B3GAT2: variants seen among roughly 807,000 people sequenced by gnomAD.
B3GAT2 encodes the protein beta-1,3-glucuronyltransferase 2, also known as galactosylgalactosylxylosylprotein 3-beta-glucuronosyltransferase 2.
In B3GAT2, 26 loss-of-function variants were observed where a neutral mutation model predicts 27.8. That is an observed-to-expected ratio of 0.93 (90% confidence interval 0.68 to 1.30). The LOEUF is 1.30. B3GAT2 is among the 50% of genes most tolerant of loss of function. B3GAT2 has a pLI of 0.00. For missense variants in B3GAT2, 458 were observed against 459.0 expected (o/e 1.00, Z 0.02); for synonymous variants, 218 against 195.1 (o/e 1.12, Z -0.98).
At chr6:70,899,338 A>G (rs1210717509) in intron 1 of B3GAT2, among the ~76,000 whole-genome samples, 1 of 152,232 alleles carries the variant, frequency 6.6e-6, no homozygotes, top group African/African-American at 2.4e-5. Context: ...CTAGGTAACC[A>G]GATGAATCAA....
Position 70,878,940 on chromosome 6 carries a change from C to T in B3GAT2, c.736+15188G>A, listed in dbSNP as rs149327092. On this transcript the variant is annotated intron_variant, in intron 2 of 3. Coordinates refer to ENST00000230053, the MANE Select transcript of B3GAT2 (RefSeq NM_080742.3). ...CTATTCTCCCATTTCCTATCCTCTC[C>T]GTCACCAGCAGGCATTGAAATATAC... is the stretch of plus-strand genomic sequence containing the variant. Among the ~76,000 whole-genome samples the T allele has an allele frequency of 3.4e-3, 524 of 152,150 alleles. 3 individuals carry two copies. The highest frequency in any genetic ancestry group is 0.012 in the African/African-American group (499 of 41,518).
At chr6:70,913,685 G>C (rs1772723937) in intron 1 of B3GAT2, among the ~76,000 whole-genome samples, 1 of 152,202 alleles carries the variant, frequency 6.6e-6, no homozygotes, top group Non-Finnish European at 1.5e-5. Context: ...TGTTGTTTTG[G>C]AGTGCAGAGT....
In B3GAT2 at chr6:70,956,548, T is replaced by C. The variant is rs1416516141; in HGVS notation, c.-119A>G. 1.3e-6 allele frequency: 2 copies of C among 1,500,872 alleles called. No individual in the cohort carries two copies. The highest frequency in any genetic ancestry group is 1.8e-6 in the Non-Finnish European group (2 of 1,128,076). 93.0% of individuals were successfully genotyped at this position (1,500,872 alleles called of 1,614,324 possible). On this transcript the variant is annotated 5_prime_UTR_variant, in exon 1 of 4. It removes an upstream start codon present in the reference 5' UTR. Coordinates refer to ENST00000230053, the MANE Select transcript of B3GAT2 (RefSeq NM_080742.3). ...GGAGTGGTGATGGGTGCGCTGTCCA[T>C]GGGGCCGAGGGCGCTGCAGAGACCT...
At chr6:70,908,656 A>C (rs1772638510) in intron 1 of B3GAT2, among the ~76,000 whole-genome samples, 1 of 152,250 alleles carries the variant, frequency 6.6e-6, no homozygotes, top group South Asian at 2.1e-4. Context: ...ACAAGGATAC[A>C]TGAAAATATA....
chr6:70,884,774 G>C (rs538623807), intron 2 of B3GAT2, among the ~76,000 whole-genome samples: 1 of 152,332 alleles, frequency 6.6e-6, no homozygotes, highest in African/African-American at 2.4e-5. Context: ...TGCCACTCTT[G>C]GTTTAATCAG....
intron 2 of B3GAT2, among the ~76,000 whole-genome samples, chr6:70,890,143 G>T (rs1481371883): frequency 6.6e-6 from 1 of 151,898 alleles, no homozygotes; most frequent in African/African-American, 2.4e-5. Context: ...ACTCACCAAG[G>T]GTCCTCCTCT....
At chr6:70,866,128 C>T (rs1050070162) in intron 2 of B3GAT2, among the ~76,000 whole-genome samples, 2 of 152,192 alleles carry the variant, frequency 1.3e-5, no homozygotes, top group Admixed American at 6.5e-5. Context: ...AGGTACAGAA[C>T]CACTGGCAAG....
rs1383338511 is a variant in B3GAT2 at position 70,956,692 on chromosome 6, A to G, written c.-263T>C. The G allele has an allele frequency of 7.3e-7, 1 of 1,374,340 alleles. No individual in the cohort carries two copies. The highest frequency in any genetic ancestry group is 1.5e-5 in the African/African-American group (1 of 65,614). The allele number at this position is 1,374,340 out of a possible 1,614,324, so 85.1% of individuals were successfully genotyped here. ...CCCGACTCCAGGTGAGCTGGCGGGA[A>G]GCGGGACTCGGTCCAGCCGCGCGCC... On this transcript the variant is annotated 5_prime_UTR_variant, in exon 1 of 4. Coordinates refer to ENST00000230053, the MANE Select transcript of B3GAT2 (RefSeq NM_080742.3).
At chr6:70,863,357 C>T (rs1245738451) in intron 2 of B3GAT2, among the ~76,000 whole-genome samples, 1 of 152,218 alleles carries the variant, frequency 6.6e-6, no homozygotes, top group Admixed American at 6.5e-5. Flanking sequence ...GTTCCAGACC[C>T]TGCTGCCTTT....
intron 2 of B3GAT2, among the ~76,000 whole-genome samples, chr6:70,887,768 G>A (rs1388296778): frequency 6.6e-6 from 1 of 152,320 alleles, no homozygotes; most frequent in East Asian, 1.9e-4. Flanking sequence ...CAAGAAGGCA[G>A]CCTTTAAGCT....
chr6:70,937,837 G>T (rs1325925131), intron 1 of B3GAT2, among the ~76,000 whole-genome samples: 1 of 151,976 alleles, frequency 6.6e-6, no homozygotes, highest in Non-Finnish European at 1.5e-5. Flanking sequence ...CTTTGAAAAC[G>T]GGCACAAGAC....
At chr6:70,886,931 C>T (rs1383734713) in intron 2 of B3GAT2, among the ~76,000 whole-genome samples, 2 of 152,254 alleles carry the variant, frequency 1.3e-5, no homozygotes, top group South Asian at 2.1e-4. Flanking sequence ...GCAGTCCTCT[C>T]CCGGTGACAA....
intron 1 of B3GAT2, among the ~76,000 whole-genome samples, chr6:70,936,141 CAA>C (rs1245558352): frequency 6.6e-6 from 1 of 151,740 alleles, no homozygotes; most frequent in African/African-American, 2.4e-5. Context: ...CAACAAAGAT[CAA>C]AAGAGACAAA....
chr6:70,908,983 G>C (rs1772643985), intron 1 of B3GAT2, among the ~76,000 whole-genome samples: 1 of 152,128 alleles, frequency 6.6e-6, no homozygotes, highest in Admixed American at 6.5e-5. Flanking sequence ...ACTTTTCCTA[G>C]AACAGTAAGT....
intron 1 of B3GAT2, among the ~76,000 whole-genome samples, chr6:70,931,803 T>C (rs1773067679): frequency 6.6e-6 from 1 of 152,092 alleles, no homozygotes; most frequent in South Asian, 2.1e-4. Flanking sequence ...TTATATTTCA[T>C]CAAAAATAAA....
intron 2 of B3GAT2, among the ~76,000 whole-genome samples, chr6:70,882,504 A>C (rs533270292): frequency 1.2e-3 from 176 of 152,246 alleles, no homozygotes; most frequent in African/African-American, 4.1e-3. Flanking sequence ...ACATCTCAAA[A>C]AATAAAAAAT....
intron 1 of B3GAT2, among the ~76,000 whole-genome samples, chr6:70,897,544 G>A (rs925998869): frequency 8.6e-5 from 13 of 151,626 alleles, no homozygotes; most frequent in Non-Finnish European, 1.9e-4. Context: ...TTCGAGACCA[G>A]CCTGGCCAAC....
intron 1 of B3GAT2, among the ~76,000 whole-genome samples, chr6:70,946,677 C>G (rs1021698580): frequency 3.7e-4 from 56 of 152,222 alleles, no homozygotes; most frequent in Non-Finnish European, 7.5e-4. Flanking sequence ...ATCAACGAGA[C>G]AGAAAGTTAA....
chr6:70,868,285 A>G (rs1771883601), intron 2 of B3GAT2, among the ~76,000 whole-genome samples: 1 of 152,220 alleles, frequency 6.6e-6, no homozygotes, highest in South Asian at 2.1e-4. Flanking sequence ...TTTATTCAAC[A>G]AAGTCCTGGA....
Sources: gnomAD v4.1 joint callset for allele counts (sites outside exome capture counted in the v4.1 genomes callset) on GRCh38, gnomAD v4.1.1 for gene constraint, MANE v1.5 for transcripts, NCBI Gene and HGNC (gene_info 2026-07-23, HGNC 2026-07-21) for gene names.